CHD6: variants seen among roughly 807,000 people sequenced by gnomAD.
CHD6 encodes chromodomain helicase DNA binding protein 6, also known as ATP-dependent chromatin remodeler CHD6.
Under a neutral mutation model 276.9 loss-of-function variants are expected in CHD6, and 50 were observed. The observed-to-expected ratio is 0.18, with a 90% CI of 0.14 to 0.23. CHD6 has a LOEUF of 0.23. Ranked by LOEUF, CHD6 falls within the 10% of genes least tolerant of loss-of-function variation. The pLI, the probability that CHD6 is intolerant of heterozygous loss-of-function variation, is 1.00. For synonymous variants in CHD6, 1,173 were observed against 1,229.3 expected, an observed-to-expected ratio of 0.95 and a Z score of 0.96; for missense variants, 2,564 against 3,365.8, an observed-to-expected ratio of 0.76 and a Z score of 5.89.
chr20:41,506,709 C>T (rs961297177), intron 5 of CHD6, among the ~76,000 whole-genome samples: 1 of 152,148 alleles, frequency 6.6e-6, no homozygotes, highest in Admixed American at 6.5e-5. Flanking sequence ...CCTTTGACCT[C>T]CCATGCCGTG....
intron 1 of CHD6, among the ~76,000 whole-genome samples, chr20:41,611,554 T>C (rs1304142911): frequency 2.0e-5 from 3 of 152,132 alleles, no homozygotes; most frequent in Non-Finnish European, 4.4e-5. Flanking sequence ...GCATAGCTTG[T>C]TAAAACACAG....
Position 41,454,633 on chromosome 20 carries a change from T to G in CHD6, c.3113A>C (p.Asn1038Thr). The change falls in exon 20 of 37, where the codon AAT becomes ACT. Residue 1038 changes from asparagine to threonine, a missense_variant. Coordinates refer to ENST00000373233, the MANE Select transcript of CHD6 (RefSeq NM_032221.5). ...AATATTATTTTGCTGTACCTTTTCA[T>G]TCTTTGCTTCAGTGTCTAGTTCAGC... ...KIAELDTEAK[N>T]EKESLVIDRP... The G allele has an allele frequency of 6.2e-7, 1 of 1,609,808 alleles. No individual in the cohort carries two copies. The highest frequency in any genetic ancestry group is 1.1e-5 in the South Asian group (1 of 90,276).
chr20:41,512,807 T>G, intron 5 of CHD6, 39 bp downstream of exon 5: 6 of 1,610,148 alleles, frequency 3.7e-6, no homozygotes, highest in Non-Finnish European at 5.1e-6. Context: ...TCAAAATGAC[T>G]GTCCAGCCAA....
At chr20:41,449,976 A>G (rs1384782569) in intron 23 of CHD6, among the ~76,000 whole-genome samples, 1 of 152,224 alleles carries the variant, frequency 6.6e-6, no homozygotes, top group Non-Finnish European at 1.5e-5. Flanking sequence ...AGTACTAATA[A>G]TAACAACACT....
chr20:41,600,722 T>C (rs1297007801), intron 1 of CHD6, among the ~76,000 whole-genome samples: 4 of 152,164 alleles, frequency 2.6e-5, no homozygotes, highest in African/African-American at 7.2e-5. Context: ...AACTACACTA[T>C]TTTCATATAA....
chr20:41,497,258 A>C, intron 8 of CHD6, 126 bp downstream of exon 8: 1 of 702,666 alleles, frequency 1.4e-6, no homozygotes, highest in South Asian at 1.6e-5. Flanking sequence ...AAATCAGCAC[A>C]CATTTATCAA....
In CHD6 at chr20:41,404,986, C is replaced by T; in HGVS notation, c.7755G>A (p.Glu2585=). Residue 2585 remains glutamate (E), a synonymous_variant, in exon 37 of 37, where the codon GAG becomes GAA. Coordinates refer to ENST00000373233, the MANE Select transcript of CHD6 (RefSeq NM_032221.5). ...AAAATGGACCTGGACCAGGCTTGTC[C>T]TCAGCTAAAGTGTCTGTTTTCACAT... The part of the protein sequence containing the change: ...SHDVKTDTLA[E]DKPGPGPFSD... 1 of 1,614,210 alleles carries T rather than the reference C, an allele frequency of 6.2e-7. No homozygotes were observed. Among genetic ancestry groups the T allele is most frequent in the Non-Finnish European group, 8.5e-7 (1 of 1,180,044 alleles).
chr20:41,404,427 C>G lies in CHD6; in HGVS notation c.*166G>C, dbSNP rs923936349. 1.4e-5 allele frequency: 18 copies of G among 1,322,082 alleles called. No homozygotes were observed. In the East Asian group the frequency reaches 4.1e-4, roughly 30 times the overall value. The allele number at this position is 1,322,082 out of a possible 1,614,324, so 81.9% of individuals were successfully genotyped here. A position where few individuals can be genotyped will look rare whatever the true frequency, so the allele number is the denominator to read the frequency against. On this transcript the variant is annotated 3_prime_UTR_variant, in exon 37 of 37. Transcript: ENST00000373233. ...ACACTTATCTAATGAAGTGGTGAGA[C>G]CCTGCAACTATTAACATCTGTTACC...
Position 41,506,863 on chromosome 20 carries a change from C to T in CHD6, c.852+5983G>A, listed in dbSNP as rs528308413. Among the ~76,000 whole-genome samples the T allele has an allele frequency of 3.4e-4, 52 of 152,214 alleles. No homozygotes were observed. In the South Asian group the frequency reaches 0.011, roughly 31 times the overall value. On this transcript the variant is annotated intron_variant, in intron 5 of 36. Transcript: ENST00000373233. Reference sequence around the variant, plus strand: ...GATAGTCCTTGGCATATAGTAGGTGCTCAATAAATACTTCTGAATAAATAA... The same window carrying T: ...GATAGTCCTTGGCATATAGTAGGTGTTCAATAAATACTTCTGAATAAATAA...
At chr20:41,592,775 T>C (rs1158585813) in intron 1 of CHD6, among the ~76,000 whole-genome samples, 1 of 152,146 alleles carries the variant, frequency 6.6e-6, no homozygotes, top group Non-Finnish European at 1.5e-5. Flanking sequence ...CACCCGGGGA[T>C]GCCATGACTT....
At chr20:41,505,670 A>G (rs2043960077) in intron 5 of CHD6, among the ~76,000 whole-genome samples, 1 of 152,110 alleles carries the variant, frequency 6.6e-6, no homozygotes, top group Non-Finnish European at 1.5e-5. Context: ...ATTAACTCTT[A>G]TTACCGGAGC....
chr20:41,594,544 T>C (rs2045698028), intron 1 of CHD6, among the ~76,000 whole-genome samples: 1 of 152,242 alleles, frequency 6.6e-6, no homozygotes, highest in South Asian at 2.1e-4. Context: ...AAAACCATTT[T>C]CACCACCTAA....
At chr20:41,471,024 G>GC (rs2043040417) in intron 17 of CHD6, among the ~76,000 whole-genome samples, 1 of 152,216 alleles carries the variant, frequency 6.6e-6, no homozygotes, top group African/African-American at 2.4e-5. Context: ...TCACAAAGAA[G>GC]CCGAGAACTT....
chr20:41,522,755 C>T (rs886095237), intron 3 of CHD6, among the ~76,000 whole-genome samples: 2 of 151,994 alleles, frequency 1.3e-5, no homozygotes, highest in African/African-American at 4.8e-5. Flanking sequence ...TCTTGACATA[C>T]GTCTATTCCA....
intron 17 of CHD6, among the ~76,000 whole-genome samples, chr20:41,462,491 T>A (rs1323431612): frequency 6.6e-6 from 1 of 152,214 alleles, no homozygotes; most frequent in Admixed American, 6.5e-5. Flanking sequence ...AGGTTAGCAA[T>A]CCTGAAACTA....
intron 1 of CHD6, among the ~76,000 whole-genome samples, chr20:41,602,208 T>C (rs1176384706): frequency 6.6e-6 from 1 of 152,218 alleles, no homozygotes; most frequent in African/African-American, 2.4e-5. Context: ...TAAACTCAGT[T>C]AAATAGAGTA....
intron 17 of CHD6, among the ~76,000 whole-genome samples, chr20:41,467,476 T>C (rs1394966833): frequency 6.7e-6 from 1 of 148,882 alleles, no homozygotes; most frequent in South Asian, 2.1e-4. Flanking sequence ...GCTCTAATTA[T>C]AGTGCTCACA....
intron 16 of CHD6, 117 bp downstream of exon 16, chr20:41,483,192 C>T: frequency 3.5e-6 from 3 of 863,014 alleles, no homozygotes; most frequent in Non-Finnish European, 5.2e-6. Flanking sequence ...AAAGGAGATT[C>T]CTTTCCTCCG....
chr20:41,403,872 T>C lies in CHD6; in HGVS notation c.*721A>G, dbSNP rs1434031013. 3 of 1,056,846 alleles carry C rather than the reference T, an allele frequency of 2.8e-6. No homozygotes were observed. In the African/African-American group the frequency reaches 5.0e-5, roughly 17 times the overall value. 65.5% of individuals were successfully genotyped at this position (1,056,846 alleles called of 1,614,324 possible). ...AGCAATAACTCATGGTGGGTAAAGCTTTCTCGCAGCAAGAGGAATCTTTTC... is the reference window on the plus strand; with the variant it reads ...AGCAATAACTCATGGTGGGTAAAGCCTTCTCGCAGCAAGAGGAATCTTTTC... On this transcript the variant is annotated 3_prime_UTR_variant, in exon 37 of 37. Coordinates refer to ENST00000373233, the MANE Select transcript of CHD6 (RefSeq NM_032221.5).
Sources: gnomAD v4.1 joint callset for allele counts (sites outside exome capture counted in the v4.1 genomes callset) on GRCh38, gnomAD v4.1.1 for gene constraint, MANE v1.5 for transcripts, NCBI Gene and HGNC (gene_info 2026-07-23, HGNC 2026-07-21) for gene names.